BTBD16: variants seen among roughly 807,000 people sequenced by gnomAD.
BTBD16 encodes the protein BTB/POZ domain-containing protein 16.
BTBD16 carries 66 observed loss-of-function variants against 67.4 expected under a neutral mutation model. The ratio of observed to expected loss-of-function variants is 0.98; its 90% confidence interval spans 0.80 to 1.20. The LOEUF (loss-of-function observed/expected upper bound fraction) is 1.20, where lower values mean the gene tolerates loss of function less well. Ranked by LOEUF, BTBD16 falls within the 50% of genes most tolerant of loss-of-function variation. The pLI is 0.00. For synonymous variants in BTBD16, 242 were observed against 236.4 expected, an observed-to-expected ratio of 1.02 and a Z score of -0.22; for missense variants, 634 against 616.0, an observed-to-expected ratio of 1.03 and a Z score of -0.31.
chr10:122,303,687 AT>A (rs922473590), intron 9 of BTBD16: 39 of 891,408 alleles, frequency 4.4e-5, no homozygotes, highest in South Asian at 1.6e-4. Flanking sequence ...TATGAAAAGC[AT>A]TTTTTTCCCC....
rs569556375 is a variant in BTBD16 at position 122,298,926 on chromosome 10, G to A, written c.661-78G>A. The A allele has an allele frequency of 6.0e-5, 94 of 1,578,402 alleles. 1 individual carries two copies. The highest frequency in any genetic ancestry group is 5.3e-4 in the Middle Eastern group (3 of 5,696). Reference sequence around the variant, plus strand: ...GCAGTGACTCTCCCTCTGAGCACACGTGTAGTGTCGTCTCAGGCCAGCAGA... The same window carrying A: ...GCAGTGACTCTCCCTCTGAGCACACATGTAGTGTCGTCTCAGGCCAGCAGA... On this transcript the variant is annotated intron_variant, in intron 8 of 15. Coordinates refer to ENST00000260723, the MANE Select transcript of BTBD16 (RefSeq NM_144587.5).
chr10:122,313,517 C>G (rs2096418103), intron 10 of BTBD16, among the ~76,000 whole-genome samples: 1 of 152,040 alleles, frequency 6.6e-6, no homozygotes, highest in African/African-American at 2.4e-5. Flanking sequence ...CCCGCCTCGG[C>G]CTCCCAAAGT....
Position 122,286,139 on chromosome 10 carries a change from G to A in BTBD16, c.276G>A (p.Glu92=), listed in dbSNP as rs2096363329. 1.2e-6 allele frequency: 2 copies of A among 1,613,654 alleles called. No individual in the cohort carries two copies. Among genetic ancestry groups the A allele is most frequent in the African/African-American group, 1.3e-5 (1 of 74,910 alleles). The change falls in exon 5 of 16, where the codon GAG becomes GAA. Residue 92 remains glutamate, a synonymous_variant. Coordinates refer to ENST00000260723, the MANE Select transcript of BTBD16 (RefSeq NM_144587.5). The part of the protein sequence containing the change: ...VILECLGFKW[E]LHQPQLFQSE... ...TCGAGTGCCTGGGCTTCAAATGGGA[G>A]CTCCATCAGCCCCAGCTTTTTCAGT...
At chr10:122,300,353 T>C (rs1467665732) in intron 9 of BTBD16, among the ~76,000 whole-genome samples, 1 of 152,000 alleles carries the variant, frequency 6.6e-6, no homozygotes, top group Non-Finnish European at 1.5e-5. Flanking sequence ...GCAAAGAATA[T>C]TTGCATAGAA....
intron 10 of BTBD16, among the ~76,000 whole-genome samples, chr10:122,309,023 G>A (rs1430587492): frequency 6.6e-6 from 1 of 152,172 alleles, no homozygotes; most frequent in African/African-American, 2.4e-5. Context: ...TATATGTCCT[G>A]CCCCTCCCAG....
In BTBD16 at chr10:122,292,355, C is replaced by G. The variant is rs141449131; in HGVS notation, c.590+1161C>G. ...GACCTCATTTCATCTTCCCTGCAAC[C>G]CTAGGAGGTAGAACTATTACTATGC... is the stretch of plus-strand genomic sequence containing the variant. On this transcript the variant is annotated intron_variant, in intron 7 of 15. Coordinates refer to ENST00000260723, the MANE Select transcript of BTBD16 (RefSeq NM_144587.5). Among the ~76,000 whole-genome samples, 524 of 152,234 alleles carry G rather than the reference C, an allele frequency of 3.4e-3. 7 individuals are homozygous for G. Among genetic ancestry groups the G allele is most frequent in the African/African-American group, 0.011 (454 of 41,546 alleles).
intron 10 of BTBD16, 108 bp downstream of exon 10, chr10:122,307,416 T>A: frequency 1.5e-5 from 18 of 1,197,460 alleles, no homozygotes; most frequent in Non-Finnish European, 1.9e-5. Flanking sequence ...TTTCATAGCA[T>A]CATTCAGAGG....
At chr10:122,330,327 T>G (rs7916112) in intron 11 of BTBD16, among the ~76,000 whole-genome samples, 1 of 151,884 alleles carries the variant, frequency 6.6e-6, no homozygotes, top group Admixed American at 6.6e-5. Context: ...AGAGAAAAGT[T>G]TGGGGAAAAA....
intron 10 of BTBD16, among the ~76,000 whole-genome samples, chr10:122,321,100 C>T (rs941898350): frequency 2.0e-5 from 3 of 152,174 alleles, no homozygotes; most frequent in African/African-American, 2.4e-5. Context: ...TGAGAACATA[C>T]GGTATTTGGT....
At position 122,332,465 on chromosome 10, in the gene BTBD16, G is replaced by A. The variant is rs1399060844; in HGVS notation, c.1116G>A (p.Leu372=). ...ALENGGDMVH[L]KDLNTQAVRF... ...AGAATGGGGGCGACATGGTCCACCT[G>A]AAAGATCTTAACACCCAGGCTGTGA... The change falls in exon 13 of 16, where the codon CTG becomes CTA. Residue 372 remains leucine, a synonymous_variant. Transcript: ENST00000260723. The A allele has an allele frequency of 6.2e-7, 1 of 1,613,994 alleles. No individual in the cohort carries two copies. Among genetic ancestry groups the A allele is most frequent in the Non-Finnish European group, 8.5e-7 (1 of 1,180,032 alleles).
intron 10 of BTBD16, among the ~76,000 whole-genome samples, chr10:122,318,612 G>A (rs576015678): frequency 9.9e-5 from 15 of 152,258 alleles, no homozygotes; most frequent in East Asian, 3.9e-4. Context: ...TTGAGACAGC[G>A]TCTCACTCTG....
chr10:122,295,426 GCCA>G (rs2096381365), intron 7 of BTBD16: 1 of 985,318 alleles, frequency 1.0e-6, no homozygotes. Flanking sequence ...GGATCTTGTA[GCCA>G]CATGAGCAGG....
intron 13 of BTBD16, 134 bp downstream of exon 13, chr10:122,332,647 G>T (rs1037890350): frequency 1.9e-6 from 2 of 1,042,920 alleles, no homozygotes; most frequent in Non-Finnish European, 2.7e-6. Context: ...AACCACAGGT[G>T]TCTCTCCTGC....
intron 7 of BTBD16, chr10:122,295,185 C>A: frequency 2.2e-6 from 1 of 453,946 alleles, no homozygotes; most frequent in East Asian, 1.5e-4. Flanking sequence ...GGTAAGGAAC[C>A]AGGTAGAAGA....
At chr10:122,331,056 C>T in intron 11 of BTBD16, 120 bp from the exon 12 acceptor site, 3 of 1,318,226 alleles carry the variant, frequency 2.3e-6, no homozygotes, top group East Asian at 2.6e-5. Flanking sequence ...TTAAAGGAGA[C>T]CATCCACCCC....
At chr10:122,304,292 G>A (rs2096399321) in intron 9 of BTBD16, among the ~76,000 whole-genome samples, 1 of 152,196 alleles carries the variant, frequency 6.6e-6, no homozygotes, top group African/African-American at 2.4e-5. Context: ...TAGCATGAGA[G>A]GTGGGTGACA....
In BTBD16 at chr10:122,315,385, T is replaced by C. The variant is rs2096422192; in HGVS notation, c.911+8077T>C. 2.6e-5 allele frequency among the ~76,000 whole-genome samples: 4 copies of C among 152,334 alleles called. No individual in the cohort carries two copies. In the South Asian group the frequency reaches 8.3e-4, roughly 32 times the overall value. Reference sequence around the variant, plus strand: ...AACTAGGTCAAGCAATATTATCCTCTTTTATGTCACTGAATTCTATTTGCT... The same window carrying C: ...AACTAGGTCAAGCAATATTATCCTCCTTTATGTCACTGAATTCTATTTGCT... On this transcript the variant is annotated intron_variant, in intron 10 of 15. Transcript: ENST00000260723.
chr10:122,312,677 T>A (rs2096416167), intron 10 of BTBD16, among the ~76,000 whole-genome samples: 1 of 152,178 alleles, frequency 6.6e-6, no homozygotes, highest in South Asian at 2.1e-4. Context: ...TTAATTTACA[T>A]TCCCCTGCTA....
rs116433130 is a variant in BTBD16 at position 122,330,476 on chromosome 10, G to C, written c.1004-700G>C. The stretch of plus-strand genomic sequence containing the variant: ...GGAGGACTGGTCAAAGCTGACCTTC[G>C]AGGGCCACTGATGGCATTTCCTTTA... On this transcript the variant is annotated intron_variant, in intron 11 of 15. Transcript: ENST00000260723. Among the ~76,000 whole-genome samples, 625 of 152,278 alleles carry C rather than the reference G, an allele frequency of 4.1e-3. 8 individuals are homozygous for C. The highest frequency in any genetic ancestry group is 0.014 in the African/African-American group (595 of 41,544).
Sources: allele counts gnomAD v4.1 joint callset (sites outside exome capture counted in the v4.1 genomes callset), GRCh38; gene constraint gnomAD v4.1.1; transcripts MANE v1.5; gene names NCBI Gene and HGNC (gene_info 2026-07-23, HGNC 2026-07-21).